The following HIRA variants were observed in gnomAD, a reference collection of about 807,000 sequenced individuals.
HIRA encodes the protein protein HIRA.
HIRA carries 13 observed loss-of-function variants against 126.6 expected under a neutral mutation model. The ratio of observed to expected loss-of-function variants is 0.10; its 90% CI spans 0.07 to 0.16. The LOEUF (loss-of-function observed/expected upper bound fraction) is 0.16. Among genes scored for constraint, HIRA ranks in the 10% least tolerant of loss-of-function variants. HIRA has a pLI of 1.00. For missense variants in HIRA, 834 were observed against 1,314.4 expected, an observed-to-expected ratio of 0.63 and a Z score of 5.65; for synonymous variants, 511 against 520.0, an observed-to-expected ratio of 0.98 and a Z score of 0.24.
intron 24 of HIRA, among the ~76,000 whole-genome samples, chr22:19,333,958 CT>C (rs1556005230): frequency 6.6e-6 from 1 of 151,802 alleles, no homozygotes; most frequent in African/African-American, 2.4e-5. Context: ...TTTCTATCTC[CT>C]TGTTGATACT....
intron 20 of HIRA, 62 bp from the exon 21 acceptor site, chr22:19,355,927 T>C: frequency 8.4e-7 from 1 of 1,194,118 alleles, no homozygotes; most frequent in Non-Finnish European, 1.2e-6. Context: ...TTCAAACATA[T>C]CAAAGGAGAA....
At chr22:19,335,650 C>T (rs144082209) in intron 24 of HIRA, among the ~76,000 whole-genome samples, 77 of 152,198 alleles carry the variant, frequency 5.1e-4, no homozygotes, top group African/African-American at 1.8e-3. Context: ...TACTTAGTTA[C>T]ATATAAATAA....
rs767946325 is a variant in HIRA at position 19,361,908 on chromosome 22, T to C, written c.1799A>G (p.Lys600Arg). The change falls in exon 16 of 25, where the codon AAA becomes AGA. Residue 600 changes from lysine (K) to arginine (R), a missense_variant. Lys to Arg is a conservative substitution (Grantham distance 26). Around this residue, in one of 5 missense-constraint regions of HIRA, gnomAD observed 468 missense variants for 574.2 expected, o/e 0.82. Coordinates refer to ENST00000263208, the MANE Select transcript of HIRA (RefSeq NM_003325.4). ...CAGGAGGTCTCGGGGCCTCAGCTCT[T>C]TCACAAGGTTCTGCTCTTTTAACCT... ...VERLKEQNLV[K>R]ELRPRDLLES... 9 of 1,614,218 alleles carry C rather than the reference T, an allele frequency of 5.6e-6. No individual in the cohort carries two copies. Among genetic ancestry groups the C allele is most frequent in the Non-Finnish European group, 6.8e-6 (8 of 1,180,048 alleles).
chr22:19,392,167 A>G lies in HIRA; in HGVS notation c.870T>C (p.Ser290=), dbSNP rs1242057735. The G allele has an allele frequency of 6.2e-7, 1 of 1,609,586 alleles. No homozygotes were observed. Among genetic ancestry groups the G allele is most frequent in the Admixed American group, 1.7e-5 (1 of 59,932 alleles). ...AGCAGTACGGGCAGCTAGGCTTCGC[A>G]GAACTCCCATTCTTCTGCTTCTTTT... ...IFKKKQKNGS[S]AKPSCPYCCC... The change falls in exon 9 of 25, where the codon TCT becomes TCC. Residue 290 remains serine (S), a synonymous_variant. Coordinates refer to ENST00000263208, the MANE Select transcript of HIRA (RefSeq NM_003325.4).
chr22:19,334,430 C>T (rs1285326412), intron 24 of HIRA, among the ~76,000 whole-genome samples: 4 of 151,034 alleles, frequency 2.6e-5, no homozygotes, highest in Non-Finnish European at 5.9e-5. Context: ...GCGGGCAGAT[C>T]GCTTGAGGCC....
chr22:19,366,388 C>T (rs1338746952), intron 15 of HIRA, among the ~76,000 whole-genome samples: 1 of 152,176 alleles, frequency 6.6e-6, no homozygotes, highest in Non-Finnish European at 1.5e-5. Flanking sequence ...ATTTTGTAAG[C>T]TATATCAGAT....
intron 17 of HIRA, among the ~76,000 whole-genome samples, chr22:19,360,394 C>T (rs1219339520): frequency 1.3e-5 from 2 of 152,196 alleles, no homozygotes; most frequent in Admixed American, 1.3e-4. Context: ...AGGGCCCCTG[C>T]CTCCGTTCAC....
intron 24 of HIRA, among the ~76,000 whole-genome samples, chr22:19,347,361 A>G (rs2088698526): frequency 6.6e-6 from 1 of 152,226 alleles, no homozygotes; most frequent in Non-Finnish European, 1.5e-5. Flanking sequence ...AAGCCAGATA[A>G]TTCAGGGAAC....
chr22:19,424,150 G>C (rs898356511), intron 1 of HIRA, among the ~76,000 whole-genome samples: 4 of 152,178 alleles, frequency 2.6e-5, no homozygotes, highest in African/African-American at 7.2e-5. Context: ...CTGGGAAAAG[G>C]GCATGAGCAA....
intron 15 of HIRA, among the ~76,000 whole-genome samples, chr22:19,367,649 G>A (rs1352338575): frequency 2.6e-5 from 4 of 152,234 alleles, no homozygotes; most frequent in Non-Finnish European, 1.5e-5. Context: ...TTACAGGTAT[G>A]AGCCACTGAG....
chr22:19,393,564 G>T (rs1354566484), intron 8 of HIRA, among the ~76,000 whole-genome samples: 1 of 151,978 alleles, frequency 6.6e-6, no homozygotes, highest in Non-Finnish European at 1.5e-5. Flanking sequence ...CATCATGTTG[G>T]TCAGGCTGGT....
At chr22:19,382,767 CTTTCT>C (rs1293439955) in intron 13 of HIRA, among the ~76,000 whole-genome samples, 3 of 134,292 alleles carry the variant, frequency 2.2e-5, no homozygotes, top group African/African-American at 3.3e-5. Context: ...TATCATTTTT[CTTTCT>C]TTTTTTTTTT....
chr22:19,416,086 TATGA>T (rs1366625108), intron 1 of HIRA, among the ~76,000 whole-genome samples: 1 of 152,164 alleles, frequency 6.6e-6, no homozygotes, highest in Non-Finnish European at 1.5e-5. Flanking sequence ...CTGTTGTGTA[TATGA>T]TCAAATGATT....
rs1177208388 is a variant in HIRA at position 19,375,806 on chromosome 22, G to C, written c.1614-14C>G. ...GTAGCATTCATACTGGGGTGAAGAA[G>C]AGGGGAGGCATGTCAAGCGCAATCC... On this transcript the variant is annotated splice_polypyrimidine_tract_variant and intron_variant, in intron 14 of 24. Transcript: ENST00000263208. The C allele has an allele frequency of 1.2e-6, 2 of 1,613,752 alleles. No individual in the cohort carries two copies. Among genetic ancestry groups the C allele is most frequent in the African/African-American group, 1.3e-5 (1 of 74,922 alleles).
chr22:19,403,797 C>A (rs948208927), intron 5 of HIRA, among the ~76,000 whole-genome samples: 1 of 152,042 alleles, frequency 6.6e-6, no homozygotes, highest in African/African-American at 2.4e-5. Context: ...ATAAATATTG[C>A]TATTGTTCTG....
intron 1 of HIRA, among the ~76,000 whole-genome samples, chr22:19,429,133 CTTTTTTTTTTT>C (rs57853722): frequency 1.3e-5 from 1 of 77,244 alleles, no homozygotes; most frequent in Non-Finnish European, 2.3e-5. Flanking sequence ...GTTGCCATAT[CTTTTTTTTTTT>C]TTTTTTTTTT....
At chr22:19,389,647 A>T (rs2089159787) in intron 9 of HIRA, among the ~76,000 whole-genome samples, 1 of 152,102 alleles carries the variant, frequency 6.6e-6, no homozygotes, top group Admixed American at 6.5e-5. Context: ...CTCCTCTCAT[A>T]AATGTGCCTA....
chr22:19,334,714 C>T (rs561835346), intron 24 of HIRA, among the ~76,000 whole-genome samples: 1 of 152,108 alleles, frequency 6.6e-6, no homozygotes, highest in Non-Finnish European at 1.5e-5. Context: ...AACCAACGCA[C>T]CCGGCAGTCC....
chr22:19,416,307 TTTTTCTTTTTTCTTTCTTTC>T (rs1312012038), intron 1 of HIRA, among the ~76,000 whole-genome samples: 1 of 152,136 alleles, frequency 6.6e-6, no homozygotes, highest in Non-Finnish European at 1.5e-5. Flanking sequence ...CAGTAATTTC[TTTTTCTTTTTTCTTTCTTTC>T]TTTTCTTTTT....
Sources: gnomAD v4.1 joint callset for allele counts (sites outside exome capture counted in the v4.1 genomes callset) on GRCh38, gnomAD v4.1.1 for gene constraint, gnomAD v4.1.1 regional missense constraint, MANE v1.5 for transcripts, NCBI Gene and HGNC (gene_info 2026-07-23, HGNC 2026-07-21) for gene names.